The following CNTNAP4 variants were observed in gnomAD, a reference collection of about 807,000 sequenced individuals.
The protein encoded by CNTNAP4 is contactin-associated protein-like 4.
In CNTNAP4, 98 loss-of-function variants were observed where a neutral mutation model predicts 148.4. The observed-to-expected ratio is 0.66, with a 90% CI of 0.56 to 0.78. The LOEUF (loss-of-function observed/expected upper bound fraction) is 0.78, where lower values mean the gene tolerates loss of function less well. CNTNAP4 is among the 30% of genes least tolerant of loss of function. The pLI, the probability that CNTNAP4 is intolerant of heterozygous loss-of-function variation, is 0.00. For missense variants in CNTNAP4, 1,935 were observed against 1,565.6 expected (o/e 1.24, Z -3.98); for synonymous variants, 730 against 565.1 (o/e 1.29, Z -4.14).
At chr16:76,305,893 A>T (rs555148523) in intron 1 of CNTNAP4, among the ~76,000 whole-genome samples, 12 of 152,312 alleles carry the variant, frequency 7.9e-5, no homozygotes, top group African/African-American at 2.6e-4. Context: ...TCTCACTTAT[A>T]AGTGAGAATA....
chr16:76,462,798 TGC>T (rs1196780776), intron 9 of CNTNAP4, among the ~76,000 whole-genome samples: 12 of 152,362 alleles, frequency 7.9e-5, no homozygotes, highest in African/African-American at 2.6e-4. Flanking sequence ...GTTTTAAAAC[TGC>T]CAGCAGTAAG....
At chr16:76,516,050 C>T (rs2083235977) in intron 15 of CNTNAP4, among the ~76,000 whole-genome samples, 1 of 152,064 alleles carries the variant, frequency 6.6e-6, no homozygotes, top group Admixed American at 6.5e-5. Context: ...GGTTTTAAGC[C>T]CCGCATCCAT....
chr16:76,485,136 A>G (rs2081982671), intron 12 of CNTNAP4, among the ~76,000 whole-genome samples: 1 of 151,718 alleles, frequency 6.6e-6, no homozygotes, highest in African/African-American at 2.4e-5. Flanking sequence ...TCTTTTTTTG[A>G]GACAAAGTTT....
chr16:76,555,637 T>C (rs983235606), intron 23 of CNTNAP4, among the ~76,000 whole-genome samples: 1 of 152,224 alleles, frequency 6.6e-6, no homozygotes, highest in Non-Finnish European at 1.5e-5. Context: ...AAATATTTAA[T>C]CTCTAGACTA....
intron 17 of CNTNAP4, 107 bp from the exon 18 acceptor site, chr16:76,535,438 C>A: frequency 9.0e-7 from 1 of 1,113,304 alleles, no homozygotes; most frequent in South Asian, 1.7e-5. Context: ...TATATTTGCT[C>A]ATCCATTTTT....
intron 4 of CNTNAP4, among the ~76,000 whole-genome samples, chr16:76,439,113 A>G (rs189229959): frequency 1.6e-4 from 24 of 152,302 alleles, no homozygotes; most frequent in South Asian, 1.0e-3. Flanking sequence ...GGGATGGAGC[A>G]TCCTTGAGGC....
intron 4 of CNTNAP4, among the ~76,000 whole-genome samples, chr16:76,438,962 T>A (rs997656959): frequency 3.9e-5 from 6 of 152,194 alleles, no homozygotes; most frequent in African/African-American, 1.4e-4. Context: ...TATGTACAAT[T>A]ACATATCTTT....
At chr16:76,405,063 G>C (rs1163223314) in intron 3 of CNTNAP4, among the ~76,000 whole-genome samples, 3 of 152,118 alleles carry the variant, frequency 2.0e-5, no homozygotes, top group African/African-American at 7.2e-5. Context: ...ATAAATGCAT[G>C]TATTTCAAAT....
At chr16:76,382,640 T>G (rs1464297015) in intron 3 of CNTNAP4, among the ~76,000 whole-genome samples, 1 of 152,196 alleles carries the variant, frequency 6.6e-6, no homozygotes, top group Non-Finnish European at 1.5e-5. Context: ...ATATTTTCTC[T>G]TAAGAAAAAT....
chr16:76,527,525 C>G (rs1279548044), intron 17 of CNTNAP4, among the ~76,000 whole-genome samples: 2 of 152,098 alleles, frequency 1.3e-5, no homozygotes, highest in African/African-American at 4.8e-5. Context: ...TCCTTTGTAT[C>G]TGGATATGGG....
intron 3 of CNTNAP4, among the ~76,000 whole-genome samples, chr16:76,408,846 G>T (rs1178372909): frequency 5.3e-5 from 8 of 151,934 alleles, no homozygotes; most frequent in Admixed American, 5.3e-4. Flanking sequence ...CTCTGAACAT[G>T]TTCTCTGTGT....
In CNTNAP4 at chr16:76,539,052, G is replaced by A. The variant is rs139978357; in HGVS notation, c.3221-667G>A. ...TGAACACCAAAATAAAAATAAGATTGTTCGATAAGTGTATTTATTCTTACT... is the reference window on the plus strand; with the variant it reads ...TGAACACCAAAATAAAAATAAGATTATTCGATAAGTGTATTTATTCTTACT... On this transcript the variant is annotated intron_variant, in intron 19 of 23. Coordinates refer to ENST00000611870, the MANE Select transcript of CNTNAP4 (RefSeq NM_033401.5). 2.6e-3 allele frequency among the ~76,000 whole-genome samples: 392 copies of A among 151,648 alleles called. 3 individuals are homozygous for A. The highest frequency in any genetic ancestry group is 9.0e-3 in the African/African-American group (375 of 41,508).
At chr16:76,363,315 A>T (rs1048517727) in intron 3 of CNTNAP4, among the ~76,000 whole-genome samples, 2 of 151,926 alleles carry the variant, frequency 1.3e-5, no homozygotes, top group African/African-American at 4.8e-5. Flanking sequence ...AGTGTGTGCC[A>T]CCATACCCAG....
At chr16:76,364,760 T>C (rs1287667547) in intron 3 of CNTNAP4, among the ~76,000 whole-genome samples, 2 of 152,236 alleles carry the variant, frequency 1.3e-5, no homozygotes, top group East Asian at 3.8e-4. Flanking sequence ...TTAATTTATA[T>C]ACTTTATTAA....
rs571211662 is a variant in CNTNAP4, at chr16:76,310,232, G to C, written c.86-6181G>C. Among the ~76,000 whole-genome samples, 5 of 152,232 alleles carry C rather than the reference G, an allele frequency of 3.3e-5. 1 individual carries two copies. In the East Asian group the frequency reaches 9.6e-4, roughly 29 times the overall value. On this transcript the variant is annotated intron_variant, in intron 1 of 23. Transcript: ENST00000611870. ...AGGGCGAGGAGACAAGACGCCACCT[G>C]GGATCCTGAAATGAACCTGAAATTT...
At chr16:76,424,203 G>A (rs1014259761) in intron 3 of CNTNAP4, among the ~76,000 whole-genome samples, 1 of 152,146 alleles carries the variant, frequency 6.6e-6, no homozygotes. Context: ...CCTGTTGGCT[G>A]TCTCTGCCAC....
chr16:76,375,460 C>T (rs1394049045), intron 3 of CNTNAP4, among the ~76,000 whole-genome samples: 2 of 152,264 alleles, frequency 1.3e-5, no homozygotes, highest in Non-Finnish European at 2.9e-5. Context: ...TATTCTATCT[C>T]GTCCTACTTT....
rs2084160887 is a variant in CNTNAP4 at position 76,535,131 on chromosome 16, C to T, written c.2756-414C>T. Among the ~76,000 whole-genome samples, 2 of 152,152 alleles carry T rather than the reference C, an allele frequency of 1.3e-5. 1 individual carries two copies. Among genetic ancestry groups the T allele is most frequent in the South Asian group, 4.1e-4 (2 of 4,830 alleles). ...CTCAAGGACTCCTTCATAATTCTCACAAAGTTAAAACTGTACCAGAATCAA... is the reference window on the plus strand; with the variant it reads ...CTCAAGGACTCCTTCATAATTCTCATAAAGTTAAAACTGTACCAGAATCAA... On this transcript the variant is annotated intron_variant, in intron 17 of 23. Transcript: ENST00000611870.
intron 9 of CNTNAP4, among the ~76,000 whole-genome samples, chr16:76,464,460 G>A (rs2081103651): frequency 1.3e-5 from 2 of 152,092 alleles, no homozygotes; most frequent in Middle Eastern, 3.2e-3. Context: ...TGTGACAGTC[G>A]TTCCCCCTGG....
Sources: gnomAD v4.1 joint callset for allele counts (sites outside exome capture counted in the v4.1 genomes callset) on GRCh38, gnomAD v4.1.1 for gene constraint, MANE v1.5 for transcripts, NCBI Gene and HGNC (gene_info 2026-07-23, HGNC 2026-07-21) for gene names.